NOS3: variants seen among roughly 807,000 people sequenced by gnomAD.
NOS3 encodes the protein NOS type III.
In NOS3, 98 loss-of-function variants were observed where a neutral mutation model predicts 144.9. The observed-to-expected ratio is 0.68, with a 90% CI of 0.57 to 0.80. The LOEUF is 0.80. NOS3 is among the 30% of genes least tolerant of loss of function. The pLI, the probability that NOS3 is intolerant of heterozygous loss-of-function variation, is 0.00. For missense variants in NOS3, 1,465 were observed against 1,656.4 expected (o/e 0.88, Z 2.01); for synonymous variants, 714 against 702.4 (o/e 1.02, Z -0.26).
chr7:150,999,351 A>G lies in NOS3; in HGVS notation c.1118A>G (p.Tyr373Cys). The change falls in exon 9 of 27, where the codon TAC (tyrosine) becomes TGC (cysteine). Residue 373 changes from tyrosine to cysteine, a missense_variant. Transcript: ENST00000297494. The part of the protein sequence containing the change: ...GTRNLCDPHR[Y>C]NILEDVAVCM... ...AGGAACCTGTGTGACCCTCACCGCT[A>G]CAACATCCTGGAGGTGAGGTGCGGG... The G allele has an allele frequency of 6.3e-7, 1 of 1,582,336 alleles. No homozygotes were observed. Among genetic ancestry groups the G allele is most frequent in the Non-Finnish European group, 8.6e-7 (1 of 1,162,808 alleles).
chr7:151,007,424 T>C, intron 17 of NOS3, 148 bp downstream of exon 17: 1 of 958,088 alleles, frequency 1.0e-6, no homozygotes, highest in Non-Finnish European at 1.5e-6. Context: ...CCAGCTCTTC[T>C]GGGTCAGGGG....
Position 150,999,218 on chromosome 7 carries a change from C to T in NOS3, c.985C>T (p.Arg329Cys), listed in dbSNP as rs745799975. The T allele has an allele frequency of 6.8e-6, 11 of 1,610,884 alleles. No individual in the cohort carries two copies. The highest frequency in any genetic ancestry group is 2.2e-5 in the South Asian group (2 of 90,968). The change falls in exon 9 of 27, where the codon CGC becomes TGC. Residue 329 changes from arginine (R) to cysteine (C), a missense_variant. Arg to Cys is a radical substitution (Grantham distance 180). Transcript: ENST00000297494. ...GGAGTGGTTTGCAGCCCTGGGCCTG[C>T]GCTGGTACGCCCTCCCGGCAGTGTC... is the stretch of plus-strand genomic sequence containing the variant. ...TLEWFAALGL[R>C]WYALPAVSNM...
intron 14 of NOS3, among the ~76,000 whole-genome samples, chr7:151,005,283 G>A (rs1354783129): frequency 1.3e-5 from 2 of 152,154 alleles, no homozygotes; most frequent in Non-Finnish European, 2.9e-5. Context: ...AATTCAAATC[G>A]TTCTTGCTAA....
chr7:150,995,372 C>G lies in NOS3; in HGVS notation c.270+58C>G, dbSNP rs1049306580. On this transcript the variant is annotated intron_variant, in intron 3 of 26. Coordinates refer to ENST00000297494, the MANE Select transcript of NOS3 (RefSeq NM_000603.5). ...CAGGGAAAGGGTGGGTAAGGCCTGG[C>G]CTCAGATGGGGCCGGAGAGGGAAGC... 1.3e-5 allele frequency: 15 copies of G among 1,187,752 alleles called. No homozygotes were observed. In the East Asian group the frequency reaches 3.7e-4, roughly 29 times the overall value. The allele number at this position is 1,187,752 out of a possible 1,614,324, so 73.6% of individuals were successfully genotyped here.
At position 150,998,955 on chromosome 7, in the gene NOS3, C is replaced by T. The variant is rs773945576; in HGVS notation, c.826C>T (p.Gln276Ter). 1.9e-6 allele frequency: 3 copies of T among 1,612,174 alleles called. No individual in the cohort carries two copies. The highest frequency in any genetic ancestry group is 2.5e-6 in the Non-Finnish European group (3 of 1,179,766). Residue 276 changes from glutamine (Q) to a stop codon, truncating the protein, a stop_gained, in exon 8 of 27, where the codon CAG becomes TAG. Coordinates refer to ENST00000297494, the MANE Select transcript of NOS3 (RefSeq NM_000603.5). LOFTEE classifies it high-confidence loss of function. This position sits in a 1 kb window ranked among gnomAD's most constrained non-coding sequence, Gnocchi z 5.0. ...GGCCCACTCCCCACAGCTCTGCATTCAGCACGGCTGGACCCCAGGAAACGG... is the reference window on the plus strand; with the variant it reads ...GGCCCACTCCCCACAGCTCTGCATTTAGCACGGCTGGACCCCAGGAAACGG... ...ANVEITELCIQHGWTPGNGRF... is the reference protein window; with the variant it reads ...ANVEITELCI
Position 151,008,979 on chromosome 7 carries a change from G to A in NOS3, c.2162G>A (p.Arg721Gln). 2 of 1,611,376 alleles carry A rather than the reference G, an allele frequency of 1.2e-6. No homozygotes were observed. The highest frequency in any genetic ancestry group is 1.1e-5 in the South Asian group (1 of 90,628). ...GGAGAGGATGCCAAGGCCGCCGCCC[G>A]AGACATCTTCAGCCCCAAACGGAGC... ...CVGEDAKAAA[R>Q]DIFSPKRSWK... The change falls in exon 18 of 27, where the codon CGA (arginine) becomes CAA (glutamine). Residue 721 changes from arginine (R) to glutamine (Q), a missense_variant. Physicochemically the swap from Arg to Gln is conservative, Grantham distance 43. This residue lies in a region of NOS3 where 745 missense variants were observed against 853.9 expected (regional missense o/e 0.87). Coordinates refer to ENST00000297494, the MANE Select transcript of NOS3 (RefSeq NM_000603.5).
At chr7:151,000,981 C>A (rs1475572485) in intron 10 of NOS3, among the ~76,000 whole-genome samples, 2 of 152,122 alleles carry the variant, frequency 1.3e-5, no homozygotes, top group African/African-American at 4.8e-5. Flanking sequence ...TTTCTGTGGG[C>A]TATTTGGTTT....
rs1802446358 is a variant in NOS3 at position 150,997,028 on chromosome 7, T to TG, written c.582+108dup. On this transcript the variant is annotated intron_variant, in intron 5 of 26. Coordinates refer to ENST00000297494, the MANE Select transcript of NOS3 (RefSeq NM_000603.5). ...CCGGGGGCTGGGAGGTCCCAAACTG[T>TG]GGGGGAGATCCTTGCCTTTTCCCTT... 5.3e-6 allele frequency: 7 copies of TG among 1,330,426 alleles called. No homozygotes were observed. In the Admixed American group the frequency reaches 7.0e-5, roughly 13 times the overall value. The allele number at this position is 1,330,426 out of a possible 1,614,324, so 82.4% of individuals were successfully genotyped here. A position where few individuals can be genotyped will look rare whatever the true frequency, so the allele number is the denominator to read the frequency against.
At chr7:151,001,681 C>T in intron 12 of NOS3, 64 bp downstream of exon 12, 1 of 1,558,434 alleles carries the variant, frequency 6.4e-7, no homozygotes, top group Non-Finnish European at 8.8e-7. Flanking sequence ...CCCCCACACA[C>T]CCTGGGGGAC....
At chr7:151,008,753 G>A (rs1767046919) in intron 17 of NOS3, 177 bp from the exon 18 acceptor site, 2 of 649,684 alleles carry the variant, frequency 3.1e-6, no homozygotes, top group Non-Finnish European at 5.0e-6. Context: ...CGGGTCCCTG[G>A]GCCCAGCGGC....
chr7:151,001,362 C>A lies in NOS3; in HGVS notation c.1365C>A (p.Ser455Arg), dbSNP rs748837695. The A allele has an allele frequency of 6.2e-7, 1 of 1,612,432 alleles. No homozygotes were observed. The highest frequency in any genetic ancestry group is 1.1e-5 in the South Asian group (1 of 90,972). Residue 455 changes from serine to arginine, a missense_variant, in exon 11 of 27, where the codon AGC becomes AGA. By Grantham distance (110) the Ser-to-Arg change is moderately radical. Transcript: ENST00000297494. ...WAWIVPPISG[S>R]LTPVFHQEMV... ...GGATCGTGCCCCCCATCTCGGGCAG[C>A]CTCACTCCTGTTTTCCATCAGGAGA...
chr7:151,005,222 T>C (rs1480815571), intron 14 of NOS3, among the ~76,000 whole-genome samples: 1 of 152,242 alleles, frequency 6.6e-6, no homozygotes, highest in Non-Finnish European at 1.5e-5. Context: ...ATTTACAACA[T>C]GTGTGCACCT....
In NOS3 at chr7:151,009,497, C is replaced by T; in HGVS notation, c.2424C>T (p.Gly808=). 1 of 1,547,880 alleles carries T rather than the reference C, an allele frequency of 6.5e-7. No individual in the cohort carries two copies. Among genetic ancestry groups the T allele is most frequent in the Non-Finnish European group, 8.7e-7 (1 of 1,146,638 alleles). Residue 808 remains glycine, a synonymous_variant, in exon 20 of 27, where the codon GGC becomes GGT. Coordinates refer to ENST00000297494, the MANE Select transcript of NOS3 (RefSeq NM_000603.5). ...GTGTCTGCCCGCCCAACCGGCCCGG[C>T]CTTGTGGAGGCGCTGCTGAGCCGCG... The part of the protein sequence containing the change: ...HIGVCPPNRP[G]LVEALLSRVE...
At chr7:150,997,613 C>T (rs1802461837) in intron 5 of NOS3, among the ~76,000 whole-genome samples, 1 of 152,214 alleles carries the variant, frequency 6.6e-6, no homozygotes, top group African/African-American at 2.4e-5. Flanking sequence ...CCATCACTGG[C>T]CGCCAAAGAG....
intron 3 of NOS3, 23 bp downstream of exon 3, chr7:150,995,337 C>T (rs1466361326): frequency 2.0e-6 from 3 of 1,533,104 alleles, no homozygotes; most frequent in Non-Finnish European, 2.7e-6. Context: ...TGCCCTGTCC[C>T]CATCGTCTCC....
rs760109154 is a variant in NOS3, at chr7:150,999,274, G to A, written c.1041G>A (p.Glu347=). 9.9e-6 allele frequency: 16 copies of A among 1,612,342 alleles called. No individual in the cohort carries two copies. The highest frequency in any genetic ancestry group is 1.4e-5 in the Non-Finnish European group (16 of 1,179,794). ...SNMLLEIGGL[E]FPAAPFSGWY... Reference sequence around the variant, plus strand: ...TGCTGCTGGAAATTGGGGGCCTGGAGTTCCCCGCAGCCCCCTTCAGTGGCT... The same window carrying A: ...TGCTGCTGGAAATTGGGGGCCTGGAATTCCCCGCAGCCCCCTTCAGTGGCT... The change falls in exon 9 of 27, where the codon GAG becomes GAA. Residue 347 remains glutamate, a synonymous_variant. Coordinates refer to ENST00000297494, the MANE Select transcript of NOS3 (RefSeq NM_000603.5).
At chr7:150,991,400 G>T in intron 1 of NOS3, 100 bp downstream of exon 1, 1 of 152,926 alleles carries the variant, frequency 6.5e-6, no homozygotes, top group Non-Finnish European at 1.5e-5. Flanking sequence ...AGAGGCGGAA[G>T]GGAGAGGTGG....
Position 150,996,481 on chromosome 7 carries a change from C to T in NOS3, c.348C>T (p.Gly116=), listed in dbSNP as rs746341055. 4.4e-6 allele frequency: 7 copies of T among 1,595,750 alleles called. No individual in the cohort carries two copies. The South Asian group carries it at 6.7e-5, about 15-fold the overall frequency. The part of the protein sequence containing the change: ...PRKLQGRPSP[G]PPAPEQLLSQ... ...AACTACAGGGCCGGCCCTCCCCCGG[C>T]CCCCCGGCCCCTGAGCAGCTGCTGA... The change falls in exon 4 of 27, where the codon GGC becomes GGT. Residue 116 remains glycine (G), a synonymous_variant. Coordinates refer to ENST00000297494, the MANE Select transcript of NOS3 (RefSeq NM_000603.5).
rs1218395114 is a variant in NOS3, at chr7:151,006,502, G to A, written c.1820+8G>A. 6.2e-7 allele frequency: 1 copy of A among 1,610,766 alleles called. No homozygotes were observed. The highest frequency in any genetic ancestry group is 8.5e-7 in the Non-Finnish European group (1 of 1,178,260). The stretch of plus-strand genomic sequence containing the variant: ...TCGGCCGGAACAGCACAAGTGAGTT[G>A]GGTGAGAGTTTGGGGGAGCTGGGGG... On this transcript the variant is annotated splice_region_variant and intron_variant, in intron 15 of 26. Transcript: ENST00000297494.
Sources: allele counts gnomAD v4.1 joint callset (sites outside exome capture counted in the v4.1 genomes callset), GRCh38; gene constraint gnomAD v4.1.1; regional missense constraint gnomAD v4.1.1; non-coding constraint Gnocchi (gnomAD v3.1); transcripts MANE v1.5; gene names NCBI Gene and HGNC (gene_info 2026-07-23, HGNC 2026-07-21).